RIOX2: variants seen among roughly 807,000 people sequenced by gnomAD.
The protein encoded by RIOX2 is ribosomal oxygenase 2.
RIOX2 carries 43 observed loss-of-function variants against 51.2 expected under a neutral mutation model. That is an observed-to-expected ratio of 0.84 (90% CI 0.66 to 1.08). The LOEUF is 1.08. Among genes scored for constraint, RIOX2 ranks in the 50% least tolerant of loss-of-function variants. The pLI is 0.00. For missense variants in RIOX2, 566 were observed against 561.7 expected, an observed-to-expected ratio of 1.01 and a Z score of -0.08; for synonymous variants, 226 against 218.5, an observed-to-expected ratio of 1.03 and a Z score of -0.30.
chr3:97,947,571 C>T, intron 7 of RIOX2, 122 bp from the exon 8 acceptor site: 1 of 712,302 alleles, frequency 1.4e-6, no homozygotes, highest in East Asian at 2.6e-5. Context: ...CCAAACATGG[C>T]ATACACTCCA....
chr3:97,945,812 C>G lies in RIOX2; in HGVS notation c.1225G>C (p.Glu409Gln). The stretch of plus-strand genomic sequence containing the variant: ...TTGAAACAAACCTCTGTTTCCTCCT[C>G]ATTTCCCATCATGTGTGTCTCTCTA... The part of the protein sequence containing the change: ...NSRETHMMGN[E>Q]EETEFHGLRF... Residue 409 changes from glutamate (E) to glutamine (Q), a missense_variant, in exon 9 of 10, where the codon GAG (glutamate) becomes CAG (glutamine). Coordinates refer to ENST00000394198, the MANE Select transcript of RIOX2 (RefSeq NM_153182.4). The G allele has an allele frequency of 6.2e-7, 1 of 1,609,972 alleles. No homozygotes were observed. Among genetic ancestry groups the G allele is most frequent in the East Asian group, 2.2e-5 (1 of 44,826 alleles).
chr3:97,967,540 G>T lies in RIOX2; in HGVS notation c.54C>A (p.Pro18=), dbSNP rs750387483. The T allele has an allele frequency of 3.1e-6, 5 of 1,613,390 alleles. No homozygotes were observed. The African/African-American group carries it at 6.7e-5, about 22-fold the overall frequency. The change falls in exon 2 of 10, where the codon CCC becomes CCA. Residue 18 remains proline (P), a synonymous_variant. Coordinates refer to ENST00000394198, the MANE Select transcript of RIOX2 (RefSeq NM_153182.4). ...TGSGKEEGPA[P]CKQMKLEAAG... The stretch of plus-strand genomic sequence containing the variant: ...CTGCTTCTAACTTCATCTGCTTACA[G>T]GGAGCCGGCCCCTCTTCCTTCCCAC...
intron 3 of RIOX2, among the ~76,000 whole-genome samples, chr3:97,961,022 T>C (rs899830977): frequency 6.6e-6 from 1 of 152,232 alleles, no homozygotes; most frequent in African/African-American, 2.4e-5. Flanking sequence ...TTACACCTTA[T>C]ATTAGGACAA....
At position 97,943,558 on chromosome 3, in the gene RIOX2, AT is replaced by A. The variant is rs2040281961; in HGVS notation, c.*1625del. The A allele has an allele frequency of 6.3e-5, 27 of 431,528 alleles. 1 individual carries two copies. In the South Asian group the frequency reaches 8.3e-4, roughly 13 times the overall value. The allele number at this position is 431,528 out of a possible 1,614,324, so 26.7% of individuals were successfully genotyped here. A position where few individuals can be genotyped will look rare whatever the true frequency, so the allele number is the denominator to read the frequency against. The stretch of plus-strand genomic sequence containing the variant: ...ATATCTTGGAAAGGTTCTATTCCTG[AT>A]CTCCAGCTGTGGTGAGCAAGTTTCC... On this transcript the variant is annotated 3_prime_UTR_variant, in exon 10 of 10. Transcript: ENST00000394198.
In RIOX2 at chr3:97,945,739, A is replaced by C; in HGVS notation, c.1239+59T>G. On this transcript the variant is annotated intron_variant, in intron 9 of 9. Coordinates refer to ENST00000394198, the MANE Select transcript of RIOX2 (RefSeq NM_153182.4). Reference sequence around the variant, plus strand: ...ATTACCTGTAAATCAAAAATAATCAATTCTTCCCAACCACCACCCAAGTCA... The same window carrying C: ...ATTACCTGTAAATCAAAAATAATCACTTCTTCCCAACCACCACCCAAGTCA... 1.1e-5 allele frequency: 15 copies of C among 1,309,644 alleles called. No homozygotes were observed. In the South Asian group the frequency reaches 1.8e-4, roughly 16 times the overall value. 81.1% of individuals were successfully genotyped at this position (1,309,644 alleles called of 1,614,324 possible). A position where few individuals can be genotyped will look rare whatever the true frequency, so the allele number is the denominator to read the frequency against.
At chr3:97,954,174 T>A in intron 5 of RIOX2, 1 of 512,636 alleles carries the variant, frequency 2.0e-6, no homozygotes, top group South Asian at 2.7e-5. Context: ...ATGCCCCACA[T>A]CCTACAGAGT....
At chr3:97,945,451 A>G (rs2040332379) in intron 9 of RIOX2, 109 bp from the exon 10 acceptor site, 11 of 990,964 alleles carry the variant, frequency 1.1e-5, no homozygotes, top group Non-Finnish European at 1.6e-5. Context: ...GATACCCCTC[A>G]TGAGTATTTT....
At chr3:97,946,798 C>A (rs1392964111) in intron 8 of RIOX2, among the ~76,000 whole-genome samples, 2 of 151,588 alleles carry the variant, frequency 1.3e-5, no homozygotes, top group Non-Finnish European at 2.9e-5. Flanking sequence ...TAGGACTGTA[C>A]AGGGAGCTCT....
chr3:97,943,335 A>G lies in RIOX2; in HGVS notation c.*1849T>C. On this transcript the variant is annotated 3_prime_UTR_variant, in exon 10 of 10. Transcript: ENST00000394198. ...TGTGAGAGAATCAACATCCCTAGAA[A>G]GATCCCTAGAAAGAGCAAAGAAGGA... The G allele has an allele frequency of 7.3e-7, 1 of 1,368,798 alleles. No homozygotes were observed. Among genetic ancestry groups the G allele is most frequent in the South Asian group, 1.2e-5 (1 of 84,320 alleles). 84.8% of individuals were successfully genotyped at this position (1,368,798 alleles called of 1,614,324 possible).
Position 97,950,825 on chromosome 3 carries a change from G to A in RIOX2, c.849C>T (p.Asp283=), listed in dbSNP as rs201634045. Residue 283 remains aspartate, a synonymous_variant, in exon 6 of 10, where the codon GAC becomes GAT. Transcript: ENST00000394198. ...GGGGTATGCCGGTCCGTAACTCCACGTCTTCCTTTGCAGTATCAAATACAA... is the reference window on the plus strand; with the variant it reads ...GGGGTATGCCGGTCCGTAACTCCACATCTTCCTTTGCAGTATCAAATACAA... ...SGLVFDTAKE[D]VELRTGIPRQ... 184 of 1,613,452 alleles carry A rather than the reference G, an allele frequency of 1.1e-4. 1 individual carries two copies. Among genetic ancestry groups the A allele is most frequent in the South Asian group, 8.6e-4 (78 of 91,052 alleles).
At chr3:97,954,709 G>A (rs1705391313) in intron 4 of RIOX2, among the ~76,000 whole-genome samples, 1 of 152,050 alleles carries the variant, frequency 6.6e-6, no homozygotes, top group Non-Finnish European at 1.5e-5. Context: ...TGATCCACGA[G>A]AGGCTCTCGG....
chr3:97,958,285 CTA>C (rs1284817111), intron 4 of RIOX2, among the ~76,000 whole-genome samples: 2 of 152,160 alleles, frequency 1.3e-5, no homozygotes, highest in Non-Finnish European at 2.9e-5. Flanking sequence ...TTTAAAATAA[CTA>C]TTGTTTTATT....
chr3:97,963,074 T>C (rs973263445), intron 2 of RIOX2, among the ~76,000 whole-genome samples: 1 of 152,166 alleles, frequency 6.6e-6, no homozygotes, highest in Non-Finnish European at 1.5e-5. Context: ...ATCCACTGTA[T>C]TAAAAATATC....
rs2040316759 is a variant in RIOX2 at position 97,944,848 on chromosome 3, T to C, written c.*336A>G. On this transcript the variant is annotated 3_prime_UTR_variant, in exon 10 of 10. Coordinates refer to ENST00000394198, the MANE Select transcript of RIOX2 (RefSeq NM_153182.4). ...AATTTTTCTAGAGCCAAAGAAGCTC[T>C]TTAAAGAAGTTGTTTCTTCCAAAGA... 5.8e-6 allele frequency: 1 copy of C among 171,394 alleles called. No homozygotes were observed. The highest frequency in any genetic ancestry group is 1.2e-5 in the Non-Finnish European group (1 of 81,018). 10.6% of individuals were successfully genotyped at this position (171,394 alleles called of 1,614,324 possible). A position where few individuals can be genotyped will look rare whatever the true frequency, so the allele number is the denominator to read the frequency against.
At chr3:97,970,591 G>C (rs76831788) in intron 1 of RIOX2, among the ~76,000 whole-genome samples, 1 of 152,168 alleles carries the variant, frequency 6.6e-6, no homozygotes, top group Non-Finnish European at 1.5e-5. Context: ...AGAAGACAAT[G>C]CTTTGTCTAG....
chr3:97,950,681 G>A lies in RIOX2; in HGVS notation c.888+105C>T. ...CTCAGCAGTGCAGCACAGTAGACAA[G>A]CCTGGCTCATGTTGGAAGAAGTATC... is the stretch of plus-strand genomic sequence containing the variant. On this transcript the variant is annotated intron_variant, in intron 6 of 9. Transcript: ENST00000394198. The A allele has an allele frequency of 4.7e-6, 4 of 853,372 alleles. No individual in the cohort carries two copies. In the Admixed American group the frequency reaches 7.4e-5, roughly 16 times the overall value. 52.9% of individuals were successfully genotyped at this position (853,372 alleles called of 1,614,324 possible).
Position 97,949,839 on chromosome 3 carries a change from T to C in RIOX2, c.1060+5A>G, listed in dbSNP as rs764170173. 4 of 1,612,360 alleles carry C rather than the reference T, an allele frequency of 2.5e-6. No individual in the cohort carries two copies. Among genetic ancestry groups the C allele is most frequent in the Non-Finnish European group, 3.4e-6 (4 of 1,179,290 alleles). ...GACCACCCAGAAGAAAACAGCAAGC[T>C]CCACCTGGTGTTGACAGCTCTGCCC... On this transcript the variant is annotated splice_donor_5th_base_variant and intron_variant, in intron 7 of 9. Transcript: ENST00000394198.
At chr3:97,951,206 A>C in intron 5 of RIOX2, 1 of 235,024 alleles carries the variant, frequency 4.3e-6, no homozygotes. Flanking sequence ...AGTTCAATGG[A>C]CCAAATTTTT....
chr3:97,965,541 C>T (rs1245416029), intron 2 of RIOX2, among the ~76,000 whole-genome samples: 1 of 151,058 alleles, frequency 6.6e-6, no homozygotes, highest in East Asian at 1.9e-4. Flanking sequence ...ACATCCTAGT[C>T]TGGCCTGAGG....
Sources: allele counts gnomAD v4.1 joint callset (sites outside exome capture counted in the v4.1 genomes callset), GRCh38; gene constraint gnomAD v4.1.1; transcripts MANE v1.5; gene names NCBI Gene and HGNC (gene_info 2026-07-23, HGNC 2026-07-21).